The following NOX3 variants were observed in gnomAD, a reference collection of about 807,000 sequenced individuals.
NOX3 encodes the protein NADPH oxidase 3.
A neutral mutation model predicts 76.7 loss-of-function variants in NOX3; 74 were observed. That is an observed-to-expected ratio of 0.96 (90% CI 0.80 to 1.17). The LOEUF (loss-of-function observed/expected upper bound fraction) is 1.17, where lower values mean the gene tolerates loss of function less well. Ranked by LOEUF, NOX3 falls within the 50% of genes most tolerant of loss-of-function variation. The pLI, the probability that NOX3 is intolerant of heterozygous loss-of-function variation, is 0.00. For synonymous variants in NOX3, 263 were observed against 261.1 expected (o/e 1.01, Z -0.07); for missense variants, 695 against 703.3 (o/e 0.99, Z 0.13).
At chr6:155,449,162 C>A (rs1409719299) in intron 4 of NOX3, among the ~76,000 whole-genome samples, 2 of 151,978 alleles carry the variant, frequency 1.3e-5, no homozygotes, top group Non-Finnish European at 2.9e-5. Context: ...TTCTGGGCAC[C>A]CTTATTCTGT....
intron 9 of NOX3, among the ~76,000 whole-genome samples, chr6:155,423,743 C>CTTTTT (rs528445827): frequency 4.4e-5 from 6 of 137,538 alleles, no homozygotes; most frequent in South Asian, 2.3e-4. Flanking sequence ...TTTTCTTTTT[C>CTTTTT]TTTTTTTTTT....
In NOX3 at chr6:155,430,758, A is replaced by C. The variant is rs1438072186; in HGVS notation, c.891+85T>G. On this transcript the variant is annotated intron_variant, in intron 8 of 13. Coordinates refer to ENST00000159060, the MANE Select transcript of NOX3 (RefSeq NM_015718.3). The stretch of plus-strand genomic sequence containing the variant: ...TCTAAATTACAGACAGTTCTGCAAT[A>C]AAAATGGCAAATTAAAAATTTGGGC... The C allele has an allele frequency of 3.8e-6, 3 of 793,378 alleles. No homozygotes were observed. In the African/African-American group the frequency reaches 5.2e-5, roughly 14 times the overall value. The allele number at this position is 793,378 out of a possible 1,614,324, so 49.1% of individuals were successfully genotyped here. A position where few individuals can be genotyped will look rare whatever the true frequency, so the allele number is the denominator to read the frequency against.
intron 8 of NOX3, among the ~76,000 whole-genome samples, chr6:155,429,395 A>G (rs1776802997): frequency 6.6e-6 from 1 of 152,254 alleles, no homozygotes; most frequent in Non-Finnish European, 1.5e-5. Context: ...GCTTAGGGTT[A>G]TTAAAATAAG....
At chr6:155,424,985 G>A (rs1233888028) in intron 9 of NOX3, among the ~76,000 whole-genome samples, 1 of 152,148 alleles carries the variant, frequency 6.6e-6, no homozygotes, top group Admixed American at 6.5e-5. Context: ...AAAGCTACAG[G>A]AGAAAATATT....
In NOX3 at chr6:155,445,961, A is replaced by ATATATAATATATATATGCTAT. The variant is rs1562472097; in HGVS notation, c.341-2544_341-2543insATAGCATATATATATTATATA. 1.2e-4 allele frequency among the ~76,000 whole-genome samples: 14 copies of ATATATAATATATATATGCTAT among 120,512 alleles called. No homozygotes were observed. The South Asian group carries it at 4.4e-3, about 38-fold the overall frequency. 79.1% of individuals were successfully genotyped at this position (120,512 alleles called of 152,430 possible). A position where few individuals can be genotyped will look rare whatever the true frequency, so the allele number is the denominator to read the frequency against. On this transcript the variant is annotated intron_variant, in intron 4 of 13. Transcript: ENST00000159060. ...TAGATATATAATATATATATGCTAT[A>ATATATAATATATATATGCTAT]TATATATAATATATATATGCTATAT...
At chr6:155,410,778 C>T (rs1776536046) in intron 11 of NOX3, among the ~76,000 whole-genome samples, 2 of 152,190 alleles carry the variant, frequency 1.3e-5, no homozygotes, top group Admixed American at 6.5e-5. Context: ...TGCTCACATA[C>T]TTCACAATAC....
intron 9 of NOX3, among the ~76,000 whole-genome samples, chr6:155,426,165 A>G (rs1476125877): frequency 6.6e-6 from 1 of 152,194 alleles, no homozygotes; most frequent in Non-Finnish European, 1.5e-5. Context: ...CTTTGCCACT[A>G]ATACATATGC....
In NOX3 at chr6:155,428,879, G is replaced by T. The variant is rs563228632; in HGVS notation, c.1060C>A (p.Arg354=). The part of the protein sequence containing the change: ...PQEDFFSVHI[R]AAGDWTAALL... ...GCTGCTGTCCAGTCTCCTGCTGCCC[G>T]GATGTGCACGCTGAAAAAGTCCTCC... The change falls in exon 9 of 14, where the codon CGG becomes AGG. Residue 354 remains arginine, a synonymous_variant. Coordinates refer to ENST00000159060, the MANE Select transcript of NOX3 (RefSeq NM_015718.3). 7 of 1,612,834 alleles carry T rather than the reference G, an allele frequency of 4.3e-6. No homozygotes were observed. Among genetic ancestry groups the T allele is most frequent in the Non-Finnish European group, 5.9e-6 (7 of 1,179,254 alleles).
intron 4 of NOX3, among the ~76,000 whole-genome samples, chr6:155,446,270 G>A (rs1777064136): frequency 6.6e-6 from 1 of 152,028 alleles, no homozygotes; most frequent in African/African-American, 2.4e-5. Context: ...TCTAGCAGGA[G>A]TCTTTTCCAA....
At chr6:155,418,768 G>A (rs182161342) in intron 10 of NOX3, among the ~76,000 whole-genome samples, 250 of 152,366 alleles carry the variant, frequency 1.6e-3, no homozygotes, top group African/African-American at 5.8e-3. Context: ...GAGGAGAAGG[G>A]TAAAGAAGTT....
chr6:155,408,474 C>T (rs758587306), intron 11 of NOX3, among the ~76,000 whole-genome samples: 1 of 152,118 alleles, frequency 6.6e-6, no homozygotes, highest in Non-Finnish European at 1.5e-5. Context: ...TTGCTGGGTG[C>T]AACTCATGCC....
Position 155,429,052 on chromosome 6 carries a change from G to A in NOX3, c.892-5C>T. 1 of 1,553,562 alleles carries A rather than the reference G, an allele frequency of 6.4e-7. No individual in the cohort carries two copies. The highest frequency in any genetic ancestry group is 1.2e-5 in the South Asian group (1 of 83,552). ...TCCAGAGGGGTGGCTTACCACCTATGTGAGAGTGAGAGAGTTGTTTGCCTT... is the reference window on the plus strand; with the variant it reads ...TCCAGAGGGGTGGCTTACCACCTATATGAGAGTGAGAGAGTTGTTTGCCTT... On this transcript the variant is annotated splice_region_variant and splice_polypyrimidine_tract_variant and intron_variant, in intron 8 of 13. Transcript: ENST00000159060.
chr6:155,415,639 C>A (rs1245631209), intron 10 of NOX3, among the ~76,000 whole-genome samples: 1 of 152,184 alleles, frequency 6.6e-6, no homozygotes, highest in African/African-American at 2.4e-5. Context: ...GCTGGCTTCA[C>A]CATGCAGGTA....
chr6:155,431,757 T>C lies in NOX3; in HGVS notation c.799-822A>G, dbSNP rs73792885. On this transcript the variant is annotated intron_variant, in intron 7 of 13. Transcript: ENST00000159060. ...GAACAATCCCATGAGGCATATGTATTACCTTGATTTTACAGAGGAAGGAGT... is the reference window on the plus strand; with the variant it reads ...GAACAATCCCATGAGGCATATGTATCACCTTGATTTTACAGAGGAAGGAGT... 3.4e-3 allele frequency among the ~76,000 whole-genome samples: 524 copies of C among 152,326 alleles called. 2 individuals are homozygous for C. The highest frequency in any genetic ancestry group is 0.012 in the African/African-American group (514 of 41,566).
chr6:155,411,398 T>G (rs371319282), intron 10 of NOX3, 38 bp from the exon 11 acceptor site: 1 of 1,575,090 alleles, frequency 6.3e-7, no homozygotes, highest in African/African-American at 1.4e-5. Flanking sequence ...ATCTATTCTC[T>G]TTTCATATGT....
intron 12 of NOX3, among the ~76,000 whole-genome samples, chr6:155,406,160 G>A (rs1245260370): frequency 6.6e-6 from 1 of 152,182 alleles, no homozygotes; most frequent in Non-Finnish European, 1.5e-5. Flanking sequence ...CGACTTTTAA[G>A]AGCCGTAGAC....
intron 10 of NOX3, among the ~76,000 whole-genome samples, chr6:155,412,761 G>A (rs1212672961): frequency 1.3e-5 from 2 of 152,060 alleles, no homozygotes; most frequent in Non-Finnish European, 2.9e-5. Flanking sequence ...TCATCCATCC[G>A]TTCACTGATT....
chr6:155,405,439 G>A (rs926817165), intron 12 of NOX3, among the ~76,000 whole-genome samples: 1 of 152,096 alleles, frequency 6.6e-6, no homozygotes, highest in African/African-American at 2.4e-5. Context: ...CTGCCTGTCT[G>A]GTCATCTCAT....
At chr6:155,435,104 G>A (rs752345004) in intron 7 of NOX3, among the ~76,000 whole-genome samples, 1 of 152,110 alleles carries the variant, frequency 6.6e-6, no homozygotes, top group Non-Finnish European at 1.5e-5. Flanking sequence ...GCCCACACAC[G>A]CTTTGAATCA....
Sources: gnomAD v4.1 joint callset for allele counts (sites outside exome capture counted in the v4.1 genomes callset) on GRCh38, gnomAD v4.1.1 for gene constraint, MANE v1.5 for transcripts, NCBI Gene and HGNC (gene_info 2026-07-23, HGNC 2026-07-21) for gene names.